The following BTNL9 variants were observed in gnomAD, a reference collection of about 807,000 sequenced individuals.
The protein encoded by BTNL9 is butyrophilin like 9, also known as butyrophilin-like protein 9.
In BTNL9, 45 loss-of-function variants were observed where a neutral mutation model predicts 45.8. The observed-to-expected ratio is 0.98, with a 90% CI of 0.77 to 1.26. BTNL9 has a LOEUF of 1.26. Ranked by LOEUF, BTNL9 falls within the 50% of genes most tolerant of loss-of-function variation. BTNL9 has a pLI of 0.00. For synonymous variants in BTNL9, 346 were observed against 330.8 expected, an observed-to-expected ratio of 1.05 and a Z score of -0.50; for missense variants, 784 against 729.7, an observed-to-expected ratio of 1.07 and a Z score of -0.86.
intron 1 of BTNL9, among the ~76,000 whole-genome samples, chr5:181,045,261 C>T (rs1344459590): frequency 6.6e-6 from 1 of 152,156 alleles, no homozygotes; most frequent in Non-Finnish European, 1.5e-5. Context: ...TGGGCAAGGC[C>T]ACGGATGCCA....
In BTNL9 at chr5:181,048,082, C is replaced by T. The variant is rs1446100086; in HGVS notation, c.265C>T (p.Gln89Ter). 1.2e-6 allele frequency: 2 copies of T among 1,613,684 alleles called. No individual in the cohort carries two copies. Among genetic ancestry groups the T allele is most frequent in the East Asian group, 4.5e-5 (2 of 44,880 alleles). The change falls in exon 3 of 11, where the codon CAG (glutamine) becomes TAG (stop). Residue 89 changes from glutamine to a stop codon, truncating the protein, a stop_gained. Transcript: ENST00000327705. LOFTEE classifies it high-confidence loss of function. ...CAATGTGGTACACCTGTACCAGGAGCAGCAGGAGCTCCCTGGCAGGCAGAT... is the reference window on the plus strand; with the variant it reads ...CAATGTGGTACACCTGTACCAGGAGTAGCAGGAGCTCCCTGGCAGGCAGAT... ...TFNVVHLYQE[Q>*]QELPGRQMPA...
intron 1 of BTNL9, among the ~76,000 whole-genome samples, 173 bp downstream of exon 1, chr5:181,040,605 C>T (rs764429774): frequency 4.8e-4 from 73 of 152,318 alleles, no homozygotes; most frequent in African/African-American, 1.5e-3. Context: ...TGTCCACGCC[C>T]GTTTAGGTGG....
At chr5:181,054,618 AT>A (rs1461308602) in intron 7 of BTNL9, 1 of 985,294 alleles carries the variant, frequency 1.0e-6, no homozygotes, top group Non-Finnish European at 1.2e-6. Context: ...AATGGAAATA[AT>A]TTCTCAGATC....
chr5:181,055,145 A>C lies in BTNL9; in HGVS notation c.908-288A>C. 1 of 1,207,312 alleles carries C rather than the reference A, an allele frequency of 8.3e-7. No homozygotes were observed. Among genetic ancestry groups the C allele is most frequent in the Non-Finnish European group, 1.0e-6 (1 of 969,236 alleles). The allele number at this position is 1,207,312 out of a possible 1,614,324, so 74.8% of individuals were successfully genotyped here. A position where few individuals can be genotyped will look rare whatever the true frequency, so the allele number is the denominator to read the frequency against. On this transcript the variant is annotated intron_variant, in intron 7 of 10. Transcript: ENST00000327705. This position sits in a 1 kb window ranked among gnomAD's most constrained non-coding sequence, Gnocchi z 4.4. ...AAGCTTGTGATTTCAGGCAGAAGGA[A>C]CAACCCCAACCCTGGGAAGAGGCCT...
chr5:181,055,962 T>C lies in BTNL9; in HGVS notation c.929-27T>C, dbSNP rs1033914816. 42 of 1,614,098 alleles carry C rather than the reference T, an allele frequency of 2.6e-5. No homozygotes were observed. The highest frequency in any genetic ancestry group is 3.5e-5 in the Non-Finnish European group (41 of 1,179,982). On this transcript the variant is annotated intron_variant, in intron 8 of 10. Coordinates refer to ENST00000327705, the MANE Select transcript of BTNL9 (RefSeq NM_152547.5). The surrounding 1 kb of genome is among the most constrained non-coding windows in gnomAD (Gnocchi z 4.4). Reference sequence around the variant, plus strand: ...GAAGCTTGGGGTCCTGATGTGCTAATTTCCTGTTTTCCCTTGGTTGCTTCA... The same window carrying C: ...GAAGCTTGGGGTCCTGATGTGCTAACTTCCTGTTTTCCCTTGGTTGCTTCA...
intron 10 of BTNL9, among the ~76,000 whole-genome samples, chr5:181,058,769 G>A (rs1375150971): frequency 2.7e-5 from 4 of 150,714 alleles, no homozygotes; most frequent in Non-Finnish European, 5.9e-5. Context: ...TGATCTCAAA[G>A]GTCCTTTTAA....
rs1760836473 is a variant in BTNL9, at chr5:181,042,659, C to A, written c.-24+2227C>A. On this transcript the variant is annotated intron_variant, in intron 1 of 10. Coordinates refer to ENST00000327705, the MANE Select transcript of BTNL9 (RefSeq NM_152547.5). The surrounding 1 kb of genome is among the most constrained non-coding windows in gnomAD (Gnocchi z 4.5). ...GTGTTGGGAGCAAAGGGACCAGGTA[C>A]CTGTTCCTCCTGGCTCAGAAGATGC... is the stretch of plus-strand genomic sequence containing the variant. 6.6e-6 allele frequency among the ~76,000 whole-genome samples: 1 copy of A among 152,164 alleles called. No individual in the cohort carries two copies. Among genetic ancestry groups the A allele is most frequent in the Non-Finnish European group, 1.5e-5 (1 of 68,024 alleles).
In BTNL9 at chr5:181,046,068, C is replaced by T. The variant is rs113076709; in HGVS notation, c.109+470C>T. On this transcript the variant is annotated intron_variant, in intron 2 of 10. Transcript: ENST00000327705. ...TGTTCCTCCACCATCTCCCCAGCCCCCAACACCTCCTCCACCATCTCCCCA... is the reference window on the plus strand; with the variant it reads ...TGTTCCTCCACCATCTCCCCAGCCCTCAACACCTCCTCCACCATCTCCCCA... 3.2e-3 allele frequency among the ~76,000 whole-genome samples: 244 copies of T among 76,882 alleles called. No individual in the cohort carries two copies. In the Middle Eastern group the frequency reaches 0.043, roughly 14 times the overall value. 50.4% of individuals were successfully genotyped at this position (76,882 alleles called of 152,430 possible).
intron 3 of BTNL9, among the ~76,000 whole-genome samples, chr5:181,049,874 G>T (rs1761437343): frequency 6.6e-6 from 1 of 152,194 alleles, no homozygotes; most frequent in African/African-American, 2.4e-5. Context: ...ATTTCCAAAT[G>T]TCCCTCAGGG....
chr5:181,054,372 A>C, intron 7 of BTNL9, 113 bp downstream of exon 7: 1 of 1,547,450 alleles, frequency 6.5e-7, no homozygotes. Context: ...ATTCTAAACC[A>C]TCCCTGTGAG....
In BTNL9 at chr5:181,050,859, C is replaced by T. The variant is rs1388366189; in HGVS notation, c.736+490C>T. Among the ~76,000 whole-genome samples the T allele has an allele frequency of 3.9e-5, 6 of 151,920 alleles. No individual in the cohort carries two copies. The highest frequency in any genetic ancestry group is 7.3e-5 in the African/African-American group (3 of 41,334). On this transcript the variant is annotated intron_variant, in intron 4 of 10. Transcript: ENST00000327705. This position sits in a 1 kb window ranked among gnomAD's most constrained non-coding sequence, Gnocchi z 4.9. ...ATCCCAGCACTTTGGGAGGCCAAGG[C>T]GGGTGGATCATGAGGTCAGGAGTTC...
rs1194222170 is a variant in BTNL9 at position 181,050,109 on chromosome 5, T to A, written c.476T>A (p.Leu159His). Reference sequence around the variant, plus strand: ...CCAGGGCTGGGCTCAGACCCTCACCTCTCCCTTGAGGGCTTCAAGGAAGGA... The same window carrying A: ...CCAGGGCTGGGCTCAGACCCTCACCACTCCCTTGAGGGCTTCAAGGAAGGA... Reference protein sequence around the residue: ...EVAGLGSDPHLSLEGFKEGGI... With the variant: ...EVAGLGSDPHHSLEGFKEGGI... Residue 159 changes from leucine to histidine, a missense_variant, in exon 4 of 11, where the codon CTC becomes CAC. Transcript: ENST00000327705. This position sits in a 1 kb window ranked among gnomAD's most constrained non-coding sequence, Gnocchi z 4.9. 6.2e-7 allele frequency: 1 copy of A among 1,613,742 alleles called. No individual in the cohort carries two copies. The highest frequency in any genetic ancestry group is 2.2e-5 in the East Asian group (1 of 44,876).
chr5:181,042,248 C>T lies in BTNL9; in HGVS notation c.-24+1816C>T, dbSNP rs536783206. 2.0e-5 allele frequency among the ~76,000 whole-genome samples: 3 copies of T among 152,368 alleles called. No individual in the cohort carries two copies. Among genetic ancestry groups the T allele is most frequent in the East Asian group, 1.9e-4 (1 of 5,188 alleles). ...AAGGCTCCTGGGAGGACAAGCAGCA[C>T]GTGCCCGCCGGCAGAGCTCAGCTCC... On this transcript the variant is annotated intron_variant, in intron 1 of 10. Transcript: ENST00000327705. The surrounding 1 kb of genome is among the most constrained non-coding windows in gnomAD (Gnocchi z 4.5).
Position 181,053,763 on chromosome 5 carries a change from G to T in BTNL9, c.886+262G>T, listed in dbSNP as rs999641525. 2.0e-6 allele frequency: 3 copies of T among 1,516,514 alleles called. No individual in the cohort carries two copies. The highest frequency in any genetic ancestry group is 2.8e-5 in the African/African-American group (2 of 72,350). The allele number at this position is 1,516,514 out of a possible 1,614,324, so 93.9% of individuals were successfully genotyped here. A position where few individuals can be genotyped will look rare whatever the true frequency, so the allele number is the denominator to read the frequency against. On this transcript the variant is annotated intron_variant, in intron 6 of 10. Transcript: ENST00000327705. The surrounding 1 kb of genome is among the most constrained non-coding windows in gnomAD (Gnocchi z 6.5). The stretch of plus-strand genomic sequence containing the variant: ...ACCGGCTGCTGTCGTTACGCCCTCG[G>T]AGCTTCACATCACACTGTACAGAGG...
At chr5:181,049,534 A>C (rs1234441232) in intron 3 of BTNL9, among the ~76,000 whole-genome samples, 1 of 152,242 alleles carries the variant, frequency 6.6e-6, no homozygotes, top group Non-Finnish European at 1.5e-5. Context: ...GATAAACTAG[A>C]AGCTGATGAG....
Position 181,055,554 on chromosome 5 carries a change from G to A in BTNL9, c.928+101G>A. The A allele has an allele frequency of 2.2e-6, 3 of 1,358,518 alleles. No homozygotes were observed. Among genetic ancestry groups the A allele is most frequent in the Non-Finnish European group, 3.1e-6 (3 of 952,934 alleles). 84.2% of individuals were successfully genotyped at this position (1,358,518 alleles called of 1,614,324 possible). On this transcript the variant is annotated intron_variant, in intron 8 of 10. Coordinates refer to ENST00000327705, the MANE Select transcript of BTNL9 (RefSeq NM_152547.5). The surrounding 1 kb of genome is among the most constrained non-coding windows in gnomAD (Gnocchi z 4.4). ...GGAGGCCGAGGCGGGTGGATCACGA[G>A]GTCAGGAGATCGAGACCAGCCTGGC...
rs1388719294 is a variant in BTNL9 at position 181,054,934 on chromosome 5, C to T, written c.908-499C>T. On this transcript the variant is annotated intron_variant, in intron 7 of 10. Transcript: ENST00000327705. ...AGCATTTACTTTTGAAAGAGCTTGA[C>T]ATTGGGTGGACAGATCAAAGGAATG... 6 of 985,342 alleles carry T rather than the reference C, an allele frequency of 6.1e-6. No homozygotes were observed. In the South Asian group the frequency reaches 1.4e-4, roughly 23 times the overall value. The allele number at this position is 985,342 out of a possible 1,614,324, so 61.0% of individuals were successfully genotyped here.
At chr5:181,043,233 T>C (rs1216463052) in intron 1 of BTNL9, among the ~76,000 whole-genome samples, 1 of 35,362 alleles carries the variant, frequency 2.8e-5, no homozygotes, top group African/African-American at 1.5e-4. Flanking sequence ...TGTGTGTCTA[T>C]GTGTGTGTCT....
chr5:181,054,280 C>T, intron 7 of BTNL9, 21 bp downstream of exon 7: 1 of 1,611,148 alleles, frequency 6.2e-7, no homozygotes, highest in Non-Finnish European at 8.5e-7. Context: ...GGTGCGGGGC[C>T]ACAGTGCTGC....
Sources: allele counts gnomAD v4.1 joint callset (sites outside exome capture counted in the v4.1 genomes callset), GRCh38; gene constraint gnomAD v4.1.1; non-coding constraint Gnocchi (gnomAD v3.1); transcripts MANE v1.5; gene names NCBI Gene and HGNC (gene_info 2026-07-23, HGNC 2026-07-21).